The following LCE1D variants were observed in gnomAD, a reference collection of about 807,000 sequenced individuals.
The protein encoded by LCE1D is late cornified envelope protein 1D.
For synonymous variants in LCE1D, 44 were observed against 65.0 expected, an observed-to-expected ratio of 0.68 and a Z score of 1.55; for missense variants, 86 against 164.4, an observed-to-expected ratio of 0.52 and a Z score of 2.61.
Position 152,796,910 on chromosome 1 carries a change from C to G in LCE1D, c.-23+139C>G, listed in dbSNP as rs1652082258. On this transcript the variant is annotated intron_variant, in intron 1 of 1. Coordinates refer to ENST00000326233, the MANE Select transcript of LCE1D (RefSeq NM_178352.3). Reference sequence around the variant, plus strand: ...GGGGCCAAAAGGGGTCTGGCACTAACTGGGAGCAGGAAGGAAAAGAGGAAA... The same window carrying G: ...GGGGCCAAAAGGGGTCTGGCACTAAGTGGGAGCAGGAAGGAAAAGAGGAAA... The G allele has an allele frequency of 1.5e-5, 2 of 136,476 alleles. 1 individual carries two copies. Among genetic ancestry groups the G allele is most frequent in the Non-Finnish European group, 3.4e-5 (2 of 59,358 alleles). The allele number at this position is 136,476 out of a possible 1,614,324, so 8.5% of individuals were successfully genotyped here.
Position 152,796,770 on chromosome 1 carries a change from C to G in LCE1D, c.-24C>G, listed in dbSNP as rs374281820. ...AAGAACCCTGTGCTGCCTGTGACTCCGGTAAGAACAGAGCAGGGATGCTCA... is the reference window on the plus strand; with the variant it reads ...AAGAACCCTGTGCTGCCTGTGACTCGGGTAAGAACAGAGCAGGGATGCTCA... On this transcript the variant is annotated splice_region_variant and 5_prime_UTR_variant, in exon 1 of 2. Transcript: ENST00000326233. 3.7e-5 allele frequency: 5 copies of G among 136,678 alleles called. No homozygotes were observed. Among genetic ancestry groups the G allele is most frequent in the African/African-American group, 1.3e-4 (5 of 38,174 alleles). 8.5% of individuals were successfully genotyped at this position (136,678 alleles called of 1,614,324 possible). A position where few individuals can be genotyped will look rare whatever the true frequency, so the allele number is the denominator to read the frequency against.
At chr1:152,797,514 T>C (rs1652092634) in intron 1 of LCE1D, among the ~76,000 whole-genome samples, 1 of 135,700 alleles carries the variant, frequency 7.4e-6, no homozygotes, top group South Asian at 2.2e-4. Flanking sequence ...ATTTCAGTCT[T>C]AAGATATATT....
rs1358953772 is a variant in LCE1D at position 152,798,099 on chromosome 1, G to C, written c.305G>C (p.Cys102Ser). ...CAGCCCTCGGGGGGCTCCAGCTGCTGCGGTGGGGGCAGCAGCCAGCACTCT... is the reference window on the plus strand; with the variant it reads ...CAGCCCTCGGGGGGCTCCAGCTGCTCCGGTGGGGGCAGCAGCCAGCACTCT... The part of the protein sequence containing the change: ...CSQPSGGSSC[C>S]GGGSSQHSGG... Residue 102 changes from cysteine to serine, a missense_variant, in exon 2 of 2, where the codon TGC becomes TCC. By Grantham distance (112) the Cys-to-Ser change is moderately radical (BLOSUM62 -1). Transcript: ENST00000326233. The C allele has an allele frequency of 1.4e-6, 2 of 1,422,316 alleles. 1 individual carries two copies. The highest frequency in any genetic ancestry group is 2.0e-6 in the Non-Finnish European group (2 of 1,024,232). The allele number at this position is 1,422,316 out of a possible 1,614,324, so 88.1% of individuals were successfully genotyped here. A position where few individuals can be genotyped will look rare whatever the true frequency, so the allele number is the denominator to read the frequency against.
At chr1:152,797,642 G>A (rs1652094364) in intron 1 of LCE1D, 131 bp from the exon 2 acceptor site, 1 of 685,938 alleles carries the variant, frequency 1.5e-6, no homozygotes, top group East Asian at 2.4e-5. Flanking sequence ...AAGATGATGT[G>A]AGATTTTGAG....
rs1312907921 is a variant in LCE1D, at chr1:152,797,762, C to G, written c.-22-11C>G. Reference sequence around the variant, plus strand: ...TGCCTGGGTCTGACTTGTTATTTGACTCTCCCTCAGCTCCTGAACACCCAC... The same window carrying G: ...TGCCTGGGTCTGACTTGTTATTTGAGTCTCCCTCAGCTCCTGAACACCCAC... On this transcript the variant is annotated splice_polypyrimidine_tract_variant and intron_variant, in intron 1 of 1. Coordinates refer to ENST00000326233, the MANE Select transcript of LCE1D (RefSeq NM_178352.3). The G allele has an allele frequency of 9.9e-6, 14 of 1,407,612 alleles. 1 individual carries two copies. Among genetic ancestry groups the G allele is most frequent in the Admixed American group, 3.6e-5 (2 of 55,336 alleles). 87.2% of individuals were successfully genotyped at this position (1,407,612 alleles called of 1,614,324 possible).
intron 1 of LCE1D, 149 bp from the exon 2 acceptor site, chr1:152,797,624 T>A (rs1164582302): frequency 1.6e-6 from 1 of 629,746 alleles, no homozygotes. Context: ...TCCAAAGATA[T>A]CTTGAAAAAG....
In LCE1D at chr1:152,798,034, G is replaced by T; in HGVS notation, c.240G>T (p.Arg80Ser). 1.4e-6 allele frequency: 2 copies of T among 1,439,154 alleles called. No homozygotes were observed. Among genetic ancestry groups the T allele is most frequent in the South Asian group, 1.1e-5 (1 of 87,262 alleles). 89.1% of individuals were successfully genotyped at this position (1,439,154 alleles called of 1,614,324 possible). Residue 80 changes from arginine to serine, a missense_variant, in exon 2 of 2, where the codon AGG (arginine) becomes AGT (serine). Arg to Ser is a moderately radical substitution (Grantham distance 110, BLOSUM62 -1). Coordinates refer to ENST00000326233, the MANE Select transcript of LCE1D (RefSeq NM_178352.3). ...GCCTGAGCCACCACAGGCGCCACAGGTCCCACCGTCGCAGACCCCAGAGCT... is the reference window on the plus strand; with the variant it reads ...GCCTGAGCCACCACAGGCGCCACAGTTCCCACCGTCGCAGACCCCAGAGCT... The part of the protein sequence containing the change: ...GCCLSHHRRH[R>S]SHRRRPQSSD...
rs115903116 is a variant in LCE1D at position 152,797,710 on chromosome 1, G to C, written c.-22-63G>C. On this transcript the variant is annotated intron_variant, in intron 1 of 1. Transcript: ENST00000326233. Reference sequence around the variant, plus strand: ...TGCTTTTAAACTTGAGAGGTGCTAAGAGTGTCACAGGGGCAGAGGTGGCCT... The same window carrying C: ...TGCTTTTAAACTTGAGAGGTGCTAACAGTGTCACAGGGGCAGAGGTGGCCT... 2.8e-6 allele frequency: 3 copies of C among 1,082,994 alleles called. 1 individual carries two copies. The highest frequency in any genetic ancestry group is 1.3e-5 in the South Asian group (1 of 75,786). The allele number at this position is 1,082,994 out of a possible 1,614,324, so 67.1% of individuals were successfully genotyped here.
intron 1 of LCE1D, among the ~76,000 whole-genome samples, chr1:152,797,116 G>A (rs944325): frequency 0.99 from 133,096 of 133,864 alleles, 66,343 homozygotes; most frequent in East Asian, 1. Context: ...GGGAAGAACT[G>A]GAGCTGTGGA....
At position 152,797,769 on chromosome 1, in the gene LCE1D, T is replaced by C. The variant is rs1369429536; in HGVS notation, c.-22-4T>C. On this transcript the variant is annotated splice_region_variant and splice_polypyrimidine_tract_variant and intron_variant, in intron 1 of 1. Coordinates refer to ENST00000326233, the MANE Select transcript of LCE1D (RefSeq NM_178352.3). ...GTCTGACTTGTTATTTGACTCTCCC[T>C]CAGCTCCTGAACACCCACCACCGAG... 1 of 1,428,822 alleles carries C rather than the reference T, an allele frequency of 7.0e-7. No homozygotes were observed. 88.5% of individuals were successfully genotyped at this position (1,428,822 alleles called of 1,614,324 possible).
In LCE1D at chr1:152,797,586, T is replaced by G. The variant is rs192392205; in HGVS notation, c.-22-187T>G. On this transcript the variant is annotated intron_variant, in intron 1 of 1. Transcript: ENST00000326233. ...ATCTTAGATGCATTTTGCAATATTG[T>G]TTAGTCTTAGTTTACAGTTGTCTGA... 2.8e-3 allele frequency among the ~76,000 whole-genome samples: 384 copies of G among 135,688 alleles called. 95 individuals carry two copies. Among genetic ancestry groups the G allele is most frequent in the Non-Finnish European group, 5.2e-3 (307 of 58,828 alleles). 89.0% of individuals were successfully genotyped at this position (135,688 alleles called of 152,430 possible).
Position 152,798,113 on chromosome 1 carries a change from A to G in LCE1D, c.319A>G (p.Ser107Gly), listed in dbSNP as rs11485496. ...CTCCAGCTGCTGCGGTGGGGGCAGC[A>G]GCCAGCACTCTGGAGGCTGCTGCTG... is the stretch of plus-strand genomic sequence containing the variant. Reference protein sequence around the residue: ...GGSSCCGGGSSQHSGGCC With the variant: ...GGSSCCGGGSGQHSGGCC Residue 107 changes from serine (S) to glycine (G), a missense_variant, in exon 2 of 2, where the codon AGC (serine) becomes GGC (glycine). By Grantham distance (56) the Ser-to-Gly change is moderately conservative (BLOSUM62 0). Transcript: ENST00000326233. 314,634 of 1,393,488 alleles carry G rather than the reference A, an allele frequency of 0.23. 78,253 individuals carry two copies. The highest frequency in any genetic ancestry group is 0.35 in the Admixed American group (18,195 of 52,444). The allele number at this position is 1,393,488 out of a possible 1,614,324, so 86.3% of individuals were successfully genotyped here.
Position 152,797,843 on chromosome 1 carries a change from A to C in LCE1D, c.49A>C (p.Thr17Pro), listed in dbSNP as rs1652099515. ...QQQCQPPPKCTPKCTPKCPAP... is the reference protein window; with the variant it reads ...QQQCQPPPKCPPKCTPKCPAP... ...GCAGTGCCAGCCCCCTCCCAAGTGCACTCCCAAGTGCACTCCCAAGTGCCC... is the reference window on the plus strand; with the variant it reads ...GCAGTGCCAGCCCCCTCCCAAGTGCCCTCCCAAGTGCACTCCCAAGTGCCC... The change falls in exon 2 of 2, where the codon ACT (threonine) becomes CCT (proline). Residue 17 changes from threonine to proline, a missense_variant. Physicochemically the swap from Thr to Pro is conservative, Grantham distance 38 (BLOSUM62 -1). Coordinates refer to ENST00000326233, the MANE Select transcript of LCE1D (RefSeq NM_178352.3). 2.8e-5 allele frequency: 40 copies of C among 1,427,728 alleles called. 11 individuals are homozygous for C. Among genetic ancestry groups the C allele is most frequent in the Non-Finnish European group, 3.8e-5 (39 of 1,028,924 alleles). The allele number at this position is 1,427,728 out of a possible 1,614,324, so 88.4% of individuals were successfully genotyped here. A position where few individuals can be genotyped will look rare whatever the true frequency, so the allele number is the denominator to read the frequency against.
rs1255521869 is a variant in LCE1D at position 152,798,087 on chromosome 1, G to A, written c.293G>A (p.Gly98Asp). The A allele has an allele frequency of 2.1e-6, 3 of 1,426,088 alleles. 1 individual carries two copies. The highest frequency in any genetic ancestry group is 1.8e-5 in the Admixed American group (1 of 55,544). 88.3% of individuals were successfully genotyped at this position (1,426,088 alleles called of 1,614,324 possible). A position where few individuals can be genotyped will look rare whatever the true frequency, so the allele number is the denominator to read the frequency against. ...SSDCCSQPSG[G>D]SSCCGGGSSQ... is the part of the protein sequence containing the mutation. ...GACTGCTGCAGCCAGCCCTCGGGGG[G>A]CTCCAGCTGCTGCGGTGGGGGCAGC... Residue 98 changes from glycine to aspartate, a missense_variant, in exon 2 of 2, where the codon GGC (glycine) becomes GAC (aspartate). Coordinates refer to ENST00000326233, the MANE Select transcript of LCE1D (RefSeq NM_178352.3).
chr1:152,797,899 A>G lies in LCE1D; in HGVS notation c.105A>G (p.Pro35=). The change falls in exon 2 of 2, where the codon CCA becomes CCG. Residue 35 remains proline, a synonymous_variant. Coordinates refer to ENST00000326233, the MANE Select transcript of LCE1D (RefSeq NM_178352.3). Reference sequence around the variant, plus strand: ...CTAAATGTCCCCCTAAGTGCCCTCCAGTCTCTTCCTGCTGCAGTGTCAGCT... The same window carrying G: ...CTAAATGTCCCCCTAAGTGCCCTCCGGTCTCTTCCTGCTGCAGTGTCAGCT... ...PAPKCPPKCP[P]VSSCCSVSSG... 1 of 1,458,194 alleles carries G rather than the reference A, an allele frequency of 6.9e-7. No homozygotes were observed. The highest frequency in any genetic ancestry group is 9.5e-7 in the Non-Finnish European group (1 of 1,051,162). The allele number at this position is 1,458,194 out of a possible 1,614,324, so 90.3% of individuals were successfully genotyped here.
chr1:152,798,082 GGGGGGCTCCAGCTGCTGCGGT>G lies in LCE1D; in HGVS notation c.295_315del (p.Cys101_Ser107del), dbSNP rs1652110316. ...GCTCTGACTGCTGCAGCCAGCCCTC[GGGGGGCTCCAGCTGCTGCGGT>G]GGGGGCAGCAGCCAGCACTCTGGAG... is the stretch of plus-strand genomic sequence containing the variant. On this transcript the variant is annotated inframe_deletion, in exon 2 of 2. Coordinates refer to ENST00000326233, the MANE Select transcript of LCE1D (RefSeq NM_178352.3). 1.4e-6 allele frequency: 2 copies of G among 1,428,254 alleles called. 1 individual carries two copies. Among genetic ancestry groups the G allele is most frequent in the African/African-American group, 2.9e-5 (2 of 69,240 alleles). The allele number at this position is 1,428,254 out of a possible 1,614,324, so 88.5% of individuals were successfully genotyped here.
At position 152,798,079 on chromosome 1, in the gene LCE1D, C is replaced by A. The variant is rs758546077; in HGVS notation, c.285C>A (p.Pro95=). Residue 95 remains proline, a synonymous_variant, in exon 2 of 2, where the codon CCC becomes CCA. Transcript: ENST00000326233. The part of the protein sequence containing the change: ...RPQSSDCCSQ[P]SGGSSCCGGG... ...AGAGCTCTGACTGCTGCAGCCAGCCCTCGGGGGGCTCCAGCTGCTGCGGTG... is the reference window on the plus strand; with the variant it reads ...AGAGCTCTGACTGCTGCAGCCAGCCATCGGGGGGCTCCAGCTGCTGCGGTG... 5 of 1,429,136 alleles carry A rather than the reference C, an allele frequency of 3.5e-6. 1 individual carries two copies. In the African/African-American group the frequency reaches 7.2e-5, roughly 21 times the overall value. The allele number at this position is 1,429,136 out of a possible 1,614,324, so 88.5% of individuals were successfully genotyped here. A position where few individuals can be genotyped will look rare whatever the true frequency, so the allele number is the denominator to read the frequency against.
rs369416706 is a variant in LCE1D at position 152,797,707 on chromosome 1, T to C, written c.-22-66T>C. 48 of 1,069,212 alleles carry C rather than the reference T, an allele frequency of 4.5e-5. 12 individuals carry two copies. The African/African-American group carries it at 5.5e-4, about 12-fold the overall frequency. 66.2% of individuals were successfully genotyped at this position (1,069,212 alleles called of 1,614,324 possible). A position where few individuals can be genotyped will look rare whatever the true frequency, so the allele number is the denominator to read the frequency against. On this transcript the variant is annotated intron_variant, in intron 1 of 1. Coordinates refer to ENST00000326233, the MANE Select transcript of LCE1D (RefSeq NM_178352.3). ...TGATGCTTTTAAACTTGAGAGGTGCTAAGAGTGTCACAGGGGCAGAGGTGG... is the reference window on the plus strand; with the variant it reads ...TGATGCTTTTAAACTTGAGAGGTGCCAAGAGTGTCACAGGGGCAGAGGTGG...
Position 152,797,757 on chromosome 1 carries a change from T to C in LCE1D, c.-22-16T>C, listed in dbSNP as rs1373178866. ...GCCTCTGCCTGGGTCTGACTTGTTATTTGACTCTCCCTCAGCTCCTGAACA... is the reference window on the plus strand; with the variant it reads ...GCCTCTGCCTGGGTCTGACTTGTTACTTGACTCTCCCTCAGCTCCTGAACA... On this transcript the variant is annotated splice_polypyrimidine_tract_variant and intron_variant, in intron 1 of 1. Coordinates refer to ENST00000326233, the MANE Select transcript of LCE1D (RefSeq NM_178352.3). 1 of 1,414,978 alleles carries C rather than the reference T, an allele frequency of 7.1e-7. No homozygotes were observed. The highest frequency in any genetic ancestry group is 1.2e-5 in the South Asian group (1 of 86,346). The allele number at this position is 1,414,978 out of a possible 1,614,324, so 87.7% of individuals were successfully genotyped here. A position where few individuals can be genotyped will look rare whatever the true frequency, so the allele number is the denominator to read the frequency against.
Sources: allele counts gnomAD v4.1 joint callset (sites outside exome capture counted in the v4.1 genomes callset), GRCh38; gene constraint gnomAD v4.1.1; transcripts MANE v1.5; gene names NCBI Gene and HGNC (gene_info 2026-07-23, HGNC 2026-07-21).